PCDH15: variants seen among roughly 807,000 people sequenced by gnomAD.
The protein encoded by PCDH15 is protocadherin-15.
Under a neutral mutation model 178.5 loss-of-function variants are expected in PCDH15, and 129 were observed. The observed-to-expected ratio is 0.72, with a 90% confidence interval of 0.63 to 0.84. The LOEUF is 0.84. Among genes scored for constraint, PCDH15 ranks in the 40% least tolerant of loss-of-function variants. PCDH15 has a pLI of 0.00. For synonymous variants in PCDH15, 800 were observed against 732.0 expected, an observed-to-expected ratio of 1.09 and a Z score of -1.50; for missense variants, 2,230 against 2,099.9, an observed-to-expected ratio of 1.06 and a Z score of -1.21.
chr10:54,333,480 C>G (rs1310946866), intron 6 of PCDH15, among the ~76,000 whole-genome samples: 4 of 150,416 alleles, frequency 2.7e-5, no homozygotes, highest in African/African-American at 9.8e-5. Flanking sequence ...TCTTTTTCCT[C>G]TAGTAAAAAG....
At chr10:54,880,477 A>AACAATTGAGAAAAGCAAAATGCTT (rs1954242751) in intron 3 of PCDH15, among the ~76,000 whole-genome samples, 1 of 152,122 alleles carries the variant, frequency 6.6e-6, no homozygotes, top group African/African-American at 2.4e-5. Flanking sequence ...GCATTCTTCT[A>AACAATTGAGAAAAGCAAAATGCTT]ACAATTGAGA....
At chr10:54,339,169 T>C (rs537809312) in intron 6 of PCDH15, among the ~76,000 whole-genome samples, 10 of 152,178 alleles carry the variant, frequency 6.6e-5, no homozygotes, top group Non-Finnish European at 1.5e-4. Flanking sequence ...CCTTAAAACA[T>C]TATAAGATTT....
intron 2 of PCDH15, among the ~76,000 whole-genome samples, chr10:54,561,980 CTTTTTTTTTTTTT>C (rs575547228): frequency 1.5e-4 from 11 of 75,240 alleles, no homozygotes; most frequent in South Asian, 5.1e-4. Context: ...CCGCACCCAG[CTTTTTTTTTTTTT>C]TTTTTTTTTT....
intron 8 of PCDH15, among the ~76,000 whole-genome samples, chr10:54,257,286 G>T (rs2056977037): frequency 6.6e-6 from 1 of 152,050 alleles, no homozygotes; most frequent in Non-Finnish European, 1.5e-5. Context: ...GTTGCGTTAT[G>T]AGGGAATCTG....
At chr10:54,281,026 T>C (rs964272726) in intron 8 of PCDH15, among the ~76,000 whole-genome samples, 68 of 151,948 alleles carry the variant, frequency 4.5e-4, no homozygotes, top group African/African-American at 1.6e-3. Flanking sequence ...CAGAAATGTA[T>C]ATGTATACAC....
intron 2 of PCDH15, among the ~76,000 whole-genome samples, chr10:55,010,072 A>G (rs1193087552): frequency 1.3e-5 from 2 of 152,142 alleles, no homozygotes; most frequent in Non-Finnish European, 2.9e-5. Flanking sequence ...TAGGAGAAAA[A>G]ATGAGAAGAC....
At chr10:54,579,554 A>G (rs2090839709) in intron 2 of PCDH15, among the ~76,000 whole-genome samples, 1 of 152,052 alleles carries the variant, frequency 6.6e-6, no homozygotes. Flanking sequence ...TCAACACATC[A>G]ATGACAGCAT....
intron 1 of PCDH15, among the ~76,000 whole-genome samples, chr10:54,719,658 C>G (rs1331281688): frequency 6.6e-6 from 1 of 152,052 alleles, no homozygotes; most frequent in Admixed American, 6.6e-5. Context: ...GCTATTTGTC[C>G]TAATGCTCTC....
chr10:54,420,892 C>T (rs1336836120), intron 3 of PCDH15, among the ~76,000 whole-genome samples: 1 of 152,024 alleles, frequency 6.6e-6, no homozygotes, highest in African/African-American at 2.4e-5. Flanking sequence ...ACCAGTGGGG[C>T]ATGAGTAGAC....
chr10:54,311,213 A>G (rs1447530062), intron 8 of PCDH15, among the ~76,000 whole-genome samples: 2 of 152,088 alleles, frequency 1.3e-5, no homozygotes, highest in Non-Finnish European at 2.9e-5. Flanking sequence ...TGATGTTGAA[A>G]TACTGAAAAC....
At position 55,160,576 on chromosome 10, in the gene PCDH15, CT is replaced by C. The variant is rs368052519; in HGVS notation, c.-80+5999del. On this transcript the variant is annotated intron_variant, in intron 2 of 5. Coordinates refer to the PCDH15 transcript ENST00000458638. Reference sequence around the variant, plus strand: ...TTCTTACCTAAGGGCAAATGGGCCCCTCTCAATCAAAGAATGAAAGGAGTCC... The same window carrying C: ...TTCTTACCTAAGGGCAAATGGGCCCCCTCAATCAAAGAATGAAAGGAGTCC... Among the ~76,000 whole-genome samples the C allele has an allele frequency of 6.4e-3, 974 of 152,072 alleles. 9 individuals carry two copies. The highest frequency in any genetic ancestry group is 0.022 in the African/African-American group (915 of 41,502).
chr10:54,042,679 T>C lies in PCDH15; in HGVS notation c.2221-19482A>G, dbSNP rs183572453. ...GGAGAGAGCAGGAGGAGCCAAGTCA[T>C]GTGGAGATATGAAGGCTATGAAAAA... is the stretch of plus-strand genomic sequence containing the variant. On this transcript the variant is annotated intron_variant, in intron 18 of 37. Transcript: ENST00000644397. Among the ~76,000 whole-genome samples, 121 of 152,156 alleles carry C rather than the reference T, an allele frequency of 8.0e-4. 1 individual carries two copies. The highest frequency in any genetic ancestry group is 2.2e-3 in the Admixed American group (34 of 15,270).
chr10:54,666,694 C>A (rs2094577351), intron 1 of PCDH15, among the ~76,000 whole-genome samples: 1 of 151,512 alleles, frequency 6.6e-6, no homozygotes, highest in African/African-American at 2.4e-5. Context: ...TATTGGAAAA[C>A]AAAATTAATA....
chr10:54,537,675 T>C (rs959530363), intron 2 of PCDH15, among the ~76,000 whole-genome samples: 18 of 152,164 alleles, frequency 1.2e-4, no homozygotes, highest in East Asian at 3.9e-4. Flanking sequence ...CCAAAAACCA[T>C]AAGGTTTTTG....
At chr10:55,117,541 A>G (rs1837657216) in intron 2 of PCDH15, among the ~76,000 whole-genome samples, 1 of 152,192 alleles carries the variant, frequency 6.6e-6, no homozygotes, top group Admixed American at 6.5e-5. Context: ...TAAAAAGTCC[A>G]TCCAATTGCT....
intron 2 of PCDH15, among the ~76,000 whole-genome samples, chr10:55,476,775 C>T (rs1452949798): frequency 4.6e-5 from 7 of 151,962 alleles, no homozygotes; most frequent in Non-Finnish European, 8.8e-5. Flanking sequence ...GATTTTCCTT[C>T]CAAGCACTCT....
At chr10:54,649,886 T>C (rs994206333) in intron 2 of PCDH15, among the ~76,000 whole-genome samples, 1 of 152,180 alleles carries the variant, frequency 6.6e-6, no homozygotes, top group Non-Finnish European at 1.5e-5. Flanking sequence ...CTCCAGCTAC[T>C]ATCCTCAAAG....
intron 3 of PCDH15, among the ~76,000 whole-genome samples, chr10:54,817,523 T>C (rs1952967365): frequency 6.6e-6 from 1 of 152,036 alleles, no homozygotes; most frequent in Admixed American, 6.6e-5. Context: ...AGAATTCCTG[T>C]GACCTCGCCC....
chr10:54,310,317 G>A (rs576207037), intron 8 of PCDH15, among the ~76,000 whole-genome samples: 3 of 152,102 alleles, frequency 2.0e-5, no homozygotes, highest in Non-Finnish European at 4.4e-5. Flanking sequence ...TATTGTGATG[G>A]TGGTTAGAGG....
Sources: gnomAD v4.1 joint callset for allele counts (sites outside exome capture counted in the v4.1 genomes callset) on GRCh38, gnomAD v4.1.1 for gene constraint, MANE v1.5 for transcripts, NCBI Gene and HGNC (gene_info 2026-07-23, HGNC 2026-07-21) for gene names.